The following TNFSF4 variants were observed in gnomAD, a reference collection of about 807,000 sequenced individuals.
The protein encoded by TNFSF4 is tumor necrosis factor ligand superfamily member 4.
TNFSF4 carries 4 observed loss-of-function variants against 7.3 expected under a neutral mutation model. That is an observed-to-expected ratio of 0.55 (90% confidence interval 0.27 to 1.25). TNFSF4 has a LOEUF of 1.25. Among genes scored for constraint, TNFSF4 ranks in the 50% most tolerant of loss-of-function variants. TNFSF4 has a pLI of 0.12. For missense variants in TNFSF4, 181 were observed against 208.8 expected, an observed-to-expected ratio of 0.87 and a Z score of 0.82; for synonymous variants, 76 against 83.7, an observed-to-expected ratio of 0.91 and a Z score of 0.50.
chr1:173,444,356 G>GT, the TNFSF4 span, among the ~76,000 whole-genome samples: 23 of 150,530 alleles, frequency 1.5e-4, no homozygotes, highest in African/African-American at 2.9e-4. Context: ...GATGATGAGT[G>GT]CTTTTTTTTC....
the TNFSF4 span, among the ~76,000 whole-genome samples, chr1:173,352,381 T>C: frequency 6.6e-6 from 1 of 152,174 alleles, no homozygotes; most frequent in Non-Finnish European, 1.5e-5. Context: ...ACGTACGTTA[T>C]TTTCTATTTT....
the TNFSF4 span, among the ~76,000 whole-genome samples, chr1:173,438,095 A>G: frequency 2.0e-5 from 3 of 152,254 alleles, no homozygotes; most frequent in South Asian, 6.2e-4. Flanking sequence ...AGTAAAAACA[A>G]ATACATTTTT....
chr1:173,261,413 A>C, the TNFSF4 span, among the ~76,000 whole-genome samples: 1 of 152,194 alleles, frequency 6.6e-6, no homozygotes, highest in Non-Finnish European at 1.5e-5. Flanking sequence ...TCACTTCTAA[A>C]AGAATGAAAG....
chr1:173,299,403 G>GTT, the TNFSF4 span, among the ~76,000 whole-genome samples: 1 of 152,022 alleles, frequency 6.6e-6, no homozygotes, highest in South Asian at 2.1e-4. Flanking sequence ...TTAGGATTCT[G>GTT]AGGGGCTATC....
the TNFSF4 span, among the ~76,000 whole-genome samples, chr1:173,369,785 G>C: frequency 6.6e-6 from 1 of 152,110 alleles, no homozygotes; most frequent in African/African-American, 2.4e-5. Context: ...CCTGCAGCTT[G>C]ACCTTTTCTG....
the TNFSF4 span, among the ~76,000 whole-genome samples, chr1:173,263,173 A>G: frequency 6.6e-6 from 1 of 152,262 alleles, no homozygotes; most frequent in East Asian, 1.9e-4. Context: ...GCTCATGAAT[A>G]GGAAGAATCA....
At chr1:173,397,709 T>C in the TNFSF4 span, among the ~76,000 whole-genome samples, 1 of 152,144 alleles carries the variant, frequency 6.6e-6, no homozygotes, top group Admixed American at 6.5e-5. Flanking sequence ...GTGGGAAAGA[T>C]CAAATGGAAG....
chr1:173,359,449 AT>A, the TNFSF4 span, among the ~76,000 whole-genome samples: 61 of 76,610 alleles, frequency 8.0e-4, 1 homozygote, highest in African/African-American at 2.6e-3. Context: ...AGAGTTTTAT[AT>A]TTAAAAAAAA....
chr1:173,285,785 A>G, the TNFSF4 span, among the ~76,000 whole-genome samples: 1 of 152,204 alleles, frequency 6.6e-6, no homozygotes, highest in African/African-American at 2.4e-5. Flanking sequence ...TGCACACAGT[A>G]GGCTACAGTA....
chr1:173,281,666 A>G, the TNFSF4 span, among the ~76,000 whole-genome samples: 155 of 152,302 alleles, frequency 1.0e-3, no homozygotes, highest in African/African-American at 3.4e-3. Flanking sequence ...AAGGTGATCA[A>G]TGTTCTCAAG....
chr1:173,319,164 G>A, the TNFSF4 span, among the ~76,000 whole-genome samples: 1 of 152,168 alleles, frequency 6.6e-6, no homozygotes. Context: ...GGGGTGAGGG[G>A]TACTCGCCAT....
chr1:173,212,241 C>T (rs1335074088), upstream of TNFSF4, among the ~76,000 whole-genome samples: 2 of 152,112 alleles, frequency 1.3e-5, no homozygotes, highest in Non-Finnish European at 2.9e-5. Context: ...CAAACACTTC[C>T]CATTAGGCCC....
chr1:173,323,831 G>C, the TNFSF4 span, among the ~76,000 whole-genome samples: 1 of 152,128 alleles, frequency 6.6e-6, no homozygotes, highest in Non-Finnish European at 1.5e-5. Flanking sequence ...TAAAAAAAAT[G>C]AACAAAGCCT....
chr1:173,208,540 C>T (rs1381734669), upstream of TNFSF4, among the ~76,000 whole-genome samples: 1 of 152,144 alleles, frequency 6.6e-6, no homozygotes, highest in African/African-American at 2.4e-5. Flanking sequence ...ACCTTCACTA[C>T]AATAATTATG....
At chr1:173,420,022 G>A in the TNFSF4 span, among the ~76,000 whole-genome samples, 1 of 152,062 alleles carries the variant, frequency 6.6e-6, no homozygotes, top group East Asian at 1.9e-4. Flanking sequence ...TGCATTTAAC[G>A]CATGTTTATT....
At chr1:173,411,068 T>C in the TNFSF4 span, among the ~76,000 whole-genome samples, 1 of 152,228 alleles carries the variant, frequency 6.6e-6, no homozygotes, top group Non-Finnish European at 1.5e-5. Context: ...CTGGTCCGCT[T>C]TGGCCGCTTG....
At chr1:173,280,456 A>G in the TNFSF4 span, among the ~76,000 whole-genome samples, 1 of 152,112 alleles carries the variant, frequency 6.6e-6, no homozygotes, top group African/African-American at 2.4e-5. Context: ...GGGTGGGGGC[A>G]TGGGTGAATG....
chr1:173,320,340 A>G, the TNFSF4 span, among the ~76,000 whole-genome samples: 1 of 152,212 alleles, frequency 6.6e-6, no homozygotes, highest in African/African-American at 2.4e-5. Flanking sequence ...TCTCAAAATA[A>G]TAAGAGCTAT....
At chr1:173,435,324 C>T in the TNFSF4 span, among the ~76,000 whole-genome samples, 10 of 152,318 alleles carry the variant, frequency 6.6e-5, no homozygotes, top group East Asian at 3.9e-4. Flanking sequence ...TATTAGTTTA[C>T]GCTCTGGACT....
Sources: allele counts gnomAD v4.1 joint callset (sites outside exome capture counted in the v4.1 genomes callset), GRCh38; gene constraint gnomAD v4.1.1; transcripts MANE v1.5; gene names NCBI Gene and HGNC (gene_info 2026-07-23, HGNC 2026-07-21).